UGT1A7: variants seen among roughly 807,000 people sequenced by gnomAD.
UGT1A7 encodes the protein UDP glucuronosyltransferase family 1 member A7.
UGT1A7 carries 33 observed loss-of-function variants against 45.6 expected under a neutral mutation model. That is an observed-to-expected ratio of 0.72 (90% CI 0.55 to 0.97). The LOEUF (loss-of-function observed/expected upper bound fraction) is 0.97, where lower values mean the gene tolerates loss of function less well. Ranked by LOEUF, UGT1A7 falls within the 50% of genes least tolerant of loss-of-function variation. UGT1A7 has a pLI of 0.00. For synonymous variants in UGT1A7, 274 were observed against 250.6 expected, an observed-to-expected ratio of 1.09 and a Z score of -0.88; for missense variants, 684 against 666.2, an observed-to-expected ratio of 1.03 and a Z score of -0.29.
chr2:233,686,219 G>C lies in UGT1A7; in HGVS notation c.855+3427G>C, dbSNP rs1013973575. ...AGAAGAAAAAATTAGAAAAATATTT[G>C]TGACCTTGGATTTGGAAATGGTTTC... On this transcript the variant is annotated intron_variant, in intron 1 of 4. Coordinates refer to ENST00000373426, the MANE Select transcript of UGT1A7 (RefSeq NM_019077.3). Among the ~76,000 whole-genome samples the C allele has an allele frequency of 2.0e-5, 3 of 151,618 alleles. No individual in the cohort carries two copies. In the East Asian group the frequency reaches 5.8e-4, roughly 29 times the overall value.
intron 1 of UGT1A7, among the ~76,000 whole-genome samples, chr2:233,688,623 T>G (rs948549500): frequency 2.6e-5 from 4 of 152,128 alleles, no homozygotes; most frequent in African/African-American, 9.7e-5. Flanking sequence ...CAAACATGAG[T>G]TCGTCTTGTT....
At chr2:233,758,342 G>C (rs956728370) in intron 1 of UGT1A7, among the ~76,000 whole-genome samples, 1 of 152,206 alleles carries the variant, frequency 6.6e-6, no homozygotes, top group African/African-American at 2.4e-5. Flanking sequence ...TGGAAGCTCT[G>C]CATGATGCAG....
intron 1 of UGT1A7, among the ~76,000 whole-genome samples, chr2:233,716,590 A>T (rs1367261005): frequency 2.0e-5 from 3 of 152,194 alleles, no homozygotes; most frequent in Non-Finnish European, 2.9e-5. Flanking sequence ...TCAAAGAGCA[A>T]AAATTTTAGA....
chr2:233,702,196 C>G lies in UGT1A7; in HGVS notation c.855+19404C>G, dbSNP rs575062785. On this transcript the variant is annotated intron_variant, in intron 1 of 4. Coordinates refer to ENST00000373426, the MANE Select transcript of UGT1A7 (RefSeq NM_019077.3). ...TTTCTCTCCTTCCTCCAGCCCCTGG[C>G]AGCCATTAATCAACTTTCTGTCCTT... Among the ~76,000 whole-genome samples, 5 of 152,328 alleles carry G rather than the reference C, an allele frequency of 3.3e-5. No individual in the cohort carries two copies. The South Asian group carries it at 1.0e-3, about 32-fold the overall frequency.
At chr2:233,757,301 G>T (rs1209658771) in intron 1 of UGT1A7, among the ~76,000 whole-genome samples, 1 of 149,508 alleles carries the variant, frequency 6.7e-6, no homozygotes, top group Non-Finnish European at 1.5e-5. Context: ...TGGGGGTTGG[G>T]GGACAGGGGG....
chr2:233,768,031 A>G (rs1699551852), intron 3 of UGT1A7, 95 bp downstream of exon 3: 2 of 1,612,748 alleles, frequency 1.2e-6, no homozygotes, highest in Non-Finnish European at 8.5e-7. Context: ...GAGCTTGAAA[A>G]TATTATGGCC....
At chr2:233,700,606 T>G (rs189379558) in intron 1 of UGT1A7, among the ~76,000 whole-genome samples, 23 of 152,322 alleles carry the variant, frequency 1.5e-4, no homozygotes, top group Admixed American at 4.6e-4. Flanking sequence ...TTCACTCTTT[T>G]TTTGGGGGGG....
rs1352844519 is a variant in UGT1A7, at chr2:233,681,906, C to A, written c.-32C>A. 7 of 1,596,542 alleles carry A rather than the reference C, an allele frequency of 4.4e-6. No individual in the cohort carries two copies. Among genetic ancestry groups the A allele is most frequent in the Non-Finnish European group, 6.0e-6 (7 of 1,171,546 alleles). ...TTACTATATTATAGGAGCTTAGAAT[C>A]CCAGCTGCTGGCTCTGGGCTGAAGT... On this transcript the variant is annotated 5_prime_UTR_variant, in exon 1 of 5. Transcript: ENST00000373426.
chr2:233,767,266 T>A (rs1028095369), intron 2 of UGT1A7, 101 bp downstream of exon 2: 5 of 1,587,970 alleles, frequency 3.1e-6, no homozygotes, highest in Non-Finnish European at 4.3e-6. Flanking sequence ...AACCTTAGAT[T>A]TGGCTTTTCC....
At chr2:233,730,757 G>C (rs2125758007) in intron 1 of UGT1A7, among the ~76,000 whole-genome samples, 1 of 152,258 alleles carries the variant, frequency 6.6e-6, no homozygotes, top group East Asian at 1.9e-4. Flanking sequence ...AGATAAGACT[G>C]TGAATCTATA....
intron 1 of UGT1A7, among the ~76,000 whole-genome samples, chr2:233,695,692 A>G (rs972852421): frequency 1.3e-5 from 2 of 151,974 alleles, no homozygotes; most frequent in African/African-American, 4.8e-5. Flanking sequence ...CTGTGCCTAG[A>G]TTATTTCACC....
At chr2:233,748,200 T>A (rs1186439065) in intron 1 of UGT1A7, 1 of 1,532,446 alleles carries the variant, frequency 6.5e-7, no homozygotes, top group Non-Finnish European at 8.8e-7. Flanking sequence ...CTGCTTGTCG[T>A]AATAGCCTTC....
At chr2:233,729,314 C>T (rs771299324) in intron 1 of UGT1A7, 4 of 1,614,130 alleles carry the variant, frequency 2.5e-6, no homozygotes, top group East Asian at 4.5e-5. Flanking sequence ...GTCCTCACCC[C>T]AGAGGTGAAT....
intron 1 of UGT1A7, among the ~76,000 whole-genome samples, chr2:233,736,157 T>C (rs1193555745): frequency 6.6e-6 from 1 of 152,262 alleles, no homozygotes; most frequent in African/African-American, 2.4e-5. Flanking sequence ...CAGTCAAACG[T>C]AGATTTGGTC....
intron 1 of UGT1A7, among the ~76,000 whole-genome samples, chr2:233,737,265 G>A (rs1426808830): frequency 2.0e-5 from 3 of 152,296 alleles, no homozygotes; most frequent in East Asian, 3.9e-4. Context: ...CAGCAATGGC[G>A]GACACCCCTC....
intron 1 of UGT1A7, chr2:233,743,985 A>C (rs1333314866): frequency 3.1e-6 from 4 of 1,283,108 alleles, no homozygotes; most frequent in Non-Finnish European, 4.1e-6. Flanking sequence ...ACCCAGGCGC[A>C]GGCCCGAGTG....
Position 233,748,244 on chromosome 2 carries a change from G to A in UGT1A7, c.856-18790G>A, listed in dbSNP as rs181996074. Among the ~76,000 whole-genome samples the A allele has an allele frequency of 5.8e-4, 88 of 151,858 alleles. 1 individual carries two copies. Among genetic ancestry groups the A allele is most frequent in the African/African-American group, 1.9e-3 (79 of 41,160 alleles). ...AAACTGTTAAGGGGTCTCTAGTAGCGTATTTCAGGTTTTAAATGGTCAATG... is the reference window on the plus strand; with the variant it reads ...AAACTGTTAAGGGGTCTCTAGTAGCATATTTCAGGTTTTAAATGGTCAATG... On this transcript the variant is annotated intron_variant, in intron 1 of 4. Transcript: ENST00000373426.
intron 1 of UGT1A7, among the ~76,000 whole-genome samples, chr2:233,731,608 A>C (rs2078181634): frequency 6.6e-6 from 1 of 152,230 alleles, no homozygotes. Context: ...TGCAAAGGAC[A>C]TGAACTCATC....
chr2:233,772,435 G>C lies in UGT1A7; in HGVS notation c.1469G>C (p.Gly490Ala). ...WYQYHSLDVIGFLLAVVLTVA... is the reference protein window; with the variant it reads ...WYQYHSLDVIAFLLAVVLTVA... ...CAGTACCATTCCTTGGACGTGATTG[G>C]TTTCCTCTTGGCCGTCGTGCTGACA... Residue 490 changes from glycine to alanine, a missense_variant, in exon 5 of 5, where the codon GGT becomes GCT. Coordinates refer to ENST00000373426, the MANE Select transcript of UGT1A7 (RefSeq NM_019077.3). The C allele has an allele frequency of 6.2e-7, 1 of 1,614,208 alleles. No homozygotes were observed. The highest frequency in any genetic ancestry group is 1.7e-5 in the Admixed American group (1 of 60,022).
Sources: gnomAD v4.1 joint callset for allele counts (sites outside exome capture counted in the v4.1 genomes callset) on GRCh38, gnomAD v4.1.1 for gene constraint, MANE v1.5 for transcripts, NCBI Gene and HGNC (gene_info 2026-07-23, HGNC 2026-07-21) for gene names.